GRID2: variants seen among roughly 807,000 people sequenced by gnomAD.
GRID2 encodes glutamate ionotropic receptor delta type subunit 2, also known as glutamate receptor ionotropic, delta-2.
GRID2 carries 33 observed loss-of-function variants against 114.8 expected under a neutral mutation model. That is an observed-to-expected ratio of 0.29 (90% CI 0.22 to 0.38). The LOEUF is 0.38. Among genes scored for constraint, GRID2 ranks in the 10% least tolerant of loss-of-function variants. GRID2 has a pLI of 1.00. For missense variants in GRID2, 1,184 were observed against 1,257.7 expected (o/e 0.94, Z 0.89); for synonymous variants, 505 against 449.9 (o/e 1.12, Z -1.55).
At chr4:93,280,971 G>C (rs1041072718) in intron 8 of GRID2, among the ~76,000 whole-genome samples, 1 of 151,704 alleles carries the variant, frequency 6.6e-6, no homozygotes, top group African/African-American at 2.4e-5. Context: ...CCCTACCCTG[G>C]GGATGTGGTT....
intron 8 of GRID2, among the ~76,000 whole-genome samples, chr4:93,359,869 TAAAAAAAAAAAAAAAAAAAA>T (rs1158118048): frequency 1.3e-4 from 3 of 23,596 alleles, no homozygotes; most frequent in African/African-American, 5.5e-4. Flanking sequence ...AAGGAAGGTG[TAAAAAAAAAAAAAAAAAAAA>T]AAAAAAAAAA....
chr4:93,006,830 A>G (rs1271160307), intron 2 of GRID2, among the ~76,000 whole-genome samples: 1 of 151,984 alleles, frequency 6.6e-6, no homozygotes, highest in Non-Finnish European at 1.5e-5. Context: ...AATTTATAGA[A>G]AGAAAAAAAA....
chr4:92,779,728 C>T (rs554060902), intron 2 of GRID2, among the ~76,000 whole-genome samples: 76 of 152,084 alleles, frequency 5.0e-4, no homozygotes, highest in African/African-American at 1.5e-3. Flanking sequence ...TTCCAATAAG[C>T]GCCACTAATA....
chr4:92,760,237 CAAA>C (rs982301426), intron 2 of GRID2, among the ~76,000 whole-genome samples: 2 of 38,406 alleles, frequency 5.2e-5, no homozygotes, highest in Admixed American at 2.9e-4. Flanking sequence ...GACTCTGTCT[CAAA>C]AAAAAAAAAA....
chr4:93,670,251 T>C (rs1246712546), intron 14 of GRID2, among the ~76,000 whole-genome samples: 1 of 152,184 alleles, frequency 6.6e-6, no homozygotes, highest in East Asian at 1.9e-4. Flanking sequence ...AGATCATTTC[T>C]ATGCACCCTG....
intron 2 of GRID2, among the ~76,000 whole-genome samples, chr4:92,731,756 T>G (rs1007543569): frequency 1.3e-5 from 2 of 151,890 alleles, no homozygotes; most frequent in African/African-American, 4.8e-5. Context: ...AAAAAGCATG[T>G]CAATACCTAG....
At position 92,670,272 on chromosome 4, in the gene GRID2, T is replaced by C. The variant is rs114119085; in HGVS notation, c.244+79986T>C. ...TACATTTATTAAACGTTCCGCATACTATTATGTTGTCATTAGGTAGCATTT... is the reference window on the plus strand; with the variant it reads ...TACATTTATTAAACGTTCCGCATACCATTATGTTGTCATTAGGTAGCATTT... On this transcript the variant is annotated intron_variant, in intron 2 of 15. Coordinates refer to ENST00000282020, the MANE Select transcript of GRID2 (RefSeq NM_001510.4). Among the ~76,000 whole-genome samples, 1,498 of 152,132 alleles carry C rather than the reference T, an allele frequency of 9.8e-3. 31 individuals carry two copies. Among genetic ancestry groups the C allele is most frequent in the African/African-American group, 0.035 (1,444 of 41,528 alleles).
chr4:93,633,653 C>A (rs1108562), intron 14 of GRID2, among the ~76,000 whole-genome samples: 41,593 of 151,870 alleles, frequency 0.27, 7,923 homozygotes, highest in African/African-American at 0.55. Context: ...ATTATTTTTT[C>A]TTTCTTGGTT....
At chr4:92,940,418 G>T (rs1306811529) in intron 2 of GRID2, among the ~76,000 whole-genome samples, 1 of 149,756 alleles carries the variant, frequency 6.7e-6, no homozygotes, top group Non-Finnish European at 1.5e-5. Flanking sequence ...CATTGAGTTT[G>T]TATCCTGAGA....
At chr4:92,827,024 G>A (rs1741751373) in intron 2 of GRID2, among the ~76,000 whole-genome samples, 1 of 151,798 alleles carries the variant, frequency 6.6e-6, no homozygotes, top group South Asian at 2.1e-4. Flanking sequence ...AAATTTTATG[G>A]GAAGGCTATT....
chr4:92,498,826 A>G lies in GRID2; in HGVS notation c.89-91305A>G, dbSNP rs1021957973. On this transcript the variant is annotated intron_variant, in intron 1 of 15. Transcript: ENST00000282020. ...TATATTAATATATTATTTACCATGC[A>G]TACATAATCATTCATATATAGTGTA... Among the ~76,000 whole-genome samples the G allele has an allele frequency of 2.6e-5, 4 of 151,672 alleles. 1 individual carries two copies. Among genetic ancestry groups the G allele is most frequent in the South Asian group, 4.1e-4 (2 of 4,828 alleles).
intron 4 of GRID2, among the ~76,000 whole-genome samples, chr4:93,135,145 G>A (rs1288086072): frequency 6.6e-6 from 1 of 152,118 alleles, no homozygotes; most frequent in Non-Finnish European, 1.5e-5. Flanking sequence ...ATAATGATGT[G>A]CAAACAGATT....
chr4:93,168,250 G>A (rs989027524), intron 4 of GRID2, among the ~76,000 whole-genome samples: 13 of 150,352 alleles, frequency 8.6e-5, no homozygotes, highest in African/African-American at 3.2e-4. Context: ...GAAAAGGAAA[G>A]GAAAGGGGAA....
At chr4:93,632,383 G>T (rs182826053) in intron 14 of GRID2, among the ~76,000 whole-genome samples, 3 of 152,082 alleles carry the variant, frequency 2.0e-5, no homozygotes, top group Non-Finnish European at 2.9e-5. Context: ...CATCTTGAAT[G>T]AATTTTTGTA....
At chr4:92,382,126 G>A (rs992363371) in intron 1 of GRID2, among the ~76,000 whole-genome samples, 1 of 151,768 alleles carries the variant, frequency 6.6e-6, no homozygotes, top group Non-Finnish European at 1.5e-5. Flanking sequence ...CACCGAGATT[G>A]ATATTAAAGA....
chr4:92,528,893 A>G (rs945292433), intron 1 of GRID2, among the ~76,000 whole-genome samples: 6 of 151,920 alleles, frequency 3.9e-5, no homozygotes, highest in Admixed American at 2.0e-4. Context: ...TGAGCAAAGA[A>G]GTAGGAATAA....
chr4:92,562,126 A>C (rs1423531205), intron 1 of GRID2, among the ~76,000 whole-genome samples: 1 of 152,170 alleles, frequency 6.6e-6, no homozygotes, highest in Non-Finnish European at 1.5e-5. Context: ...TCTTACAATT[A>C]GTCTAATGAT....
intron 1 of GRID2, among the ~76,000 whole-genome samples, chr4:92,379,048 T>G (rs1367970615): frequency 6.6e-6 from 1 of 151,976 alleles, no homozygotes; most frequent in Non-Finnish European, 1.5e-5. Context: ...TATGACTATT[T>G]AGGCTAAAAT....
downstream of GRID2, among the ~76,000 whole-genome samples, chr4:93,777,449 C>A (rs191903863): frequency 4.3e-3 from 659 of 152,266 alleles, 1 homozygote; most frequent in Non-Finnish European, 7.3e-3. Context: ...AATTTTGTAT[C>A]ATAGTTCCTA....
Sources: allele counts gnomAD v4.1 joint callset (sites outside exome capture counted in the v4.1 genomes callset), GRCh38; gene constraint gnomAD v4.1.1; transcripts MANE v1.5; gene names NCBI Gene and HGNC (gene_info 2026-07-23, HGNC 2026-07-21).